Variants in FLNA observed in about 807,000 individuals in gnomAD.
FLNA encodes filamin-A.
In FLNA, 7 loss-of-function variants were observed where a neutral mutation model predicts 157.6. That is an observed-to-expected ratio of 0.04 (90% CI 0.03 to 0.08). The LOEUF (loss-of-function observed/expected upper bound fraction) is 0.08. Ranked by LOEUF, FLNA falls within the 10% of genes least tolerant of loss-of-function variation. FLNA has a pLI of 1.00. For missense variants in FLNA, 1,750 were observed against 2,398.4 expected, an observed-to-expected ratio of 0.73 and a Z score of 5.65; for synonymous variants, 1,103 against 1,060.8, an observed-to-expected ratio of 1.04 and a Z score of -0.77.
chrX:154,366,741 G>A lies in FLNA; in HGVS notation c.978C>T (p.His326=). The part of the protein sequence containing the change: ...VLVYVEDPAG[H]QEEAKVTANN... ...CAGCAGCTGGCCCTACCTCCTCCTG[G>A]TGTCCGGCCGGGTCCTCCACGTACA... Residue 326 remains histidine (H), a synonymous_variant, in exon 6 of 48, where the codon CAC becomes CAT. Coordinates refer to ENST00000369850, the MANE Select transcript of FLNA (RefSeq NM_001110556.2). The A allele has an allele frequency of 8.3e-7, 1 of 1,209,195 alleles. No homozygotes were observed.
intron 18 of FLNA, 34 bp downstream of exon 18, chrX:154,362,208 G>GC: frequency 8.3e-7 from 1 of 1,207,118 alleles, no homozygotes; most frequent in Non-Finnish European, 1.1e-6. Flanking sequence ...TACCCTTGAT[G>GC]CCCCGCAACC....
rs1557175905 is a variant in FLNA at position 154,352,036 on chromosome X, T to A, written c.6770-15A>T. On this transcript the variant is annotated splice_polypyrimidine_tract_variant and intron_variant, in intron 41 of 47. Transcript: ENST00000369850. ...ACTGAATTCGGCTGTGGGAGAACAG[T>A]TTGTCCTCACTGAAGGCTGCTTCAC... 5.8e-6 allele frequency: 7 copies of A among 1,211,089 alleles called. No individual in the cohort carries two copies. In the South Asian group the frequency reaches 8.8e-5, roughly 15 times the overall value.
At chrX:154,349,140 C>G in intron 47 of FLNA, 104 bp from the exon 48 acceptor site, 2 of 909,219 alleles carry the variant, frequency 2.2e-6, no homozygotes, top group African/African-American at 1.9e-5. Context: ...TGACAGTTCT[C>G]TCTTCCTAAA....
At chrX:154,357,684 A>G in intron 28 of FLNA, 61 bp from the exon 29 acceptor site, 2 of 1,050,802 alleles carry the variant, frequency 1.9e-6, no homozygotes, top group East Asian at 6.2e-5. Flanking sequence ...GGCCTGCCTC[A>G]GGCGCTCCCA....
chrX:154,370,418 T>C (rs1288256780), intron 2 of FLNA, among the ~76,000 whole-genome samples: 3 of 111,855 alleles, frequency 2.7e-5, no homozygotes, highest in Non-Finnish European at 5.7e-5. Context: ...CCCCAGACAA[T>C]GGGACGCACG....
intron 30 of FLNA, 67 bp downstream of exon 30, chrX:154,357,184 C>T (rs1297846485): frequency 1.9e-6 from 2 of 1,076,129 alleles, no homozygotes; most frequent in Non-Finnish European, 1.3e-6. Flanking sequence ...GAATCGGCCC[C>T]AAGAGGAAAG....
At chrX:154,370,811 G>A (rs900084359) in intron 2 of FLNA, 62 bp downstream of exon 2, 2 of 1,157,520 alleles carry the variant, frequency 1.7e-6, no homozygotes, top group African/African-American at 3.6e-5. Flanking sequence ...TCCGCCCGGG[G>A]AGATGGAAGG....
chrX:154,374,444 G>GC (rs1557180955), intron 1 of FLNA, 62 bp downstream of exon 1: 1 of 112,438 alleles, frequency 8.9e-6, no homozygotes, highest in African/African-American at 3.2e-5. Context: ...CTCCAACCCC[G>GC]CCCCCGGCCG....
chrX:154,362,680 G>C lies in FLNA; in HGVS notation c.2385C>G (p.Asp795Glu). ...CCTTACCCTGGCCAGCCTCGGCGCA[G>C]TCCACAGTGAAGTAGGTGGGCTCGT... ...KAHEPTYFTV[D>E]CAEAGQGDVS... The change falls in exon 16 of 48, where the codon GAC becomes GAG. Residue 795 changes from aspartate to glutamate, a missense_variant. Physicochemically the swap from Asp to Glu is conservative, Grantham distance 45. This residue lies in a region of FLNA where 648 missense variants were observed against 805.8 expected (regional missense o/e 0.80). Transcript: ENST00000369850. The C allele has an allele frequency of 8.3e-7, 1 of 1,211,134 alleles. No homozygotes were observed. Among genetic ancestry groups the C allele is most frequent in the Non-Finnish European group, 1.1e-6 (1 of 895,420 alleles).
In FLNA at chrX:154,361,563, G is replaced by A. The variant is rs782513930; in HGVS notation, c.2952C>T (p.Asp984=). ...CTGTGAACTCCTGGTCTTTGCCAACGTCCACCTCTGTGGAAACGATGAAAG... is the reference window on the plus strand; with the variant it reads ...CTGTGAACTCCTGGTCTTTGCCAACATCCACCTCTGTGGAAACGATGAAAG... The part of the protein sequence containing the change: ...IKVSGLGEKV[D]VGKDQEFTVK... Residue 984 remains aspartate, a synonymous_variant, in exon 21 of 48, where the codon GAC becomes GAT. Transcript: ENST00000369850. 1.7e-5 allele frequency: 21 copies of A among 1,209,675 alleles called. No individual in the cohort carries two copies. The highest frequency in any genetic ancestry group is 2.3e-4 in the Middle Eastern group (1 of 4,375).
rs1308450726 is a variant in FLNA at position 154,350,273 on chromosome X, AG to A, written c.7157-67del. The A allele has an allele frequency of 5.8e-6, 6 of 1,033,562 alleles. No individual in the cohort carries two copies. In the African/African-American group the frequency reaches 9.3e-5, roughly 16 times the overall value. 85.2% of individuals were successfully genotyped at this position (1,033,562 alleles called of 1,213,427 possible). On this transcript the variant is annotated intron_variant, in intron 44 of 47. Transcript: ENST00000369850. Reference sequence around the variant, plus strand: ...CTCAAACCAGCAGATGGTGTCTGTGAGGAACAGCCTCAACCCTGGCCCTCCC... The same window carrying A: ...CTCAAACCAGCAGATGGTGTCTGTGAGAACAGCCTCAACCCTGGCCCTCCC...
Position 154,370,899 on chromosome X carries a change from C to A in FLNA, c.347G>T (p.Arg116Leu). The A allele has an allele frequency of 8.3e-7, 1 of 1,210,509 alleles. No homozygotes were observed. The highest frequency in any genetic ancestry group is 2.2e-5 in the Admixed American group (1 of 46,100). The change falls in exon 2 of 48, where the codon CGC becomes CTC. Residue 116 changes from arginine (R) to leucine (L), a missense_variant. By Grantham distance (102) the Arg-to-Leu change is moderately radical (BLOSUM62 -2). Around this residue, in one of 5 missense-constraint regions of FLNA, gnomAD observed 71 missense variants for 239.5 expected, o/e 0.30. Transcript: ENST00000369850. Reference protein sequence around the residue: ...NVSVALEFLDRESIKLVSIDS... With the variant: ...NVSVALEFLDLESIKLVSIDS... The stretch of plus-strand genomic sequence containing the variant: ...GATGGACACCAGTTTGATGCTCTCG[C>A]GGTCCAGGAACTCGAGCGCCACCGA...
chrX:154,361,029 A>AGAGT (rs2067702369), intron 21 of FLNA, among the ~76,000 whole-genome samples: 1 of 83,796 alleles, frequency 1.2e-5, no homozygotes, highest in Non-Finnish European at 2.2e-5. Context: ...CCTGGGCGAC[A>AGAGT]GAGTGAGACT....
rs782721742 is a variant in FLNA, at chrX:154,360,161, G to T, written c.3634C>A (p.His1212Asn). ...GLPAEVYIQD[H>N]GDGTHTITYI... is the part of the protein sequence containing the mutation. ...GTAATGGTGTGCGTGCCATCACCGT[G>T]GTCCTGGATGTACACCTCGGCCGGA... is the stretch of plus-strand genomic sequence containing the variant. Residue 1212 changes from histidine (H) to asparagine (N), a missense_variant, in exon 22 of 48, where the codon CAC (histidine) becomes AAC (asparagine). This residue lies in a region of FLNA where 970 missense variants were observed against 1,302.6 expected (regional missense o/e 0.74). Transcript: ENST00000369850. 8.3e-7 allele frequency: 1 copy of T among 1,209,519 alleles called. No homozygotes were observed. Among genetic ancestry groups the T allele is most frequent in the South Asian group, 1.8e-5 (1 of 57,030 alleles).
In FLNA at chrX:154,364,883, C is replaced by A; in HGVS notation, c.1766G>T (p.Gly589Val). 1 of 1,211,772 alleles carries A rather than the reference C, an allele frequency of 8.3e-7. No individual in the cohort carries two copies. Among genetic ancestry groups the A allele is most frequent in the Non-Finnish European group, 1.1e-6 (1 of 895,593 alleles). Residue 589 changes from glycine (G) to valine (V), a missense_variant, in exon 12 of 48, where the codon GGC (glycine) becomes GTC (valine). Around this residue, in one of 5 missense-constraint regions of FLNA, gnomAD observed 648 missense variants for 805.8 expected, o/e 0.80. Transcript: ENST00000369850. ...VRAWGPGLEG[G>V]VVGKSADFVV... ...AAAGTCTGCTGACTTGCCAACGACG[C>A]CGCCCTCCAGCCCAGGGCCCCAGGC...
chrX:154,366,498 G>T (rs782445540), intron 7 of FLNA, 28 bp from the exon 8 acceptor site: 1 of 1,208,686 alleles, frequency 8.3e-7, no homozygotes, highest in African/African-American at 1.7e-5. Context: ...GGCCGTGAGG[G>T]TAGGGCTGGG....
chrX:154,357,691 C>T, intron 28 of FLNA, 68 bp from the exon 29 acceptor site: 1 of 963,250 alleles, frequency 1.0e-6, no homozygotes. Context: ...CTCAGGCGCT[C>T]CCAGAGTGCC....
chrX:154,367,664 C>T lies in FLNA; in HGVS notation c.697G>A (p.Asp233Asn). ...ACCTGGGGGATGCCCAGCCAGTCAT[C>T]CGCCTGCTGCATGGCCTCTCGCGCA... is the stretch of plus-strand genomic sequence containing the variant. ...TNAREAMQQA[D>N]DWLGIPQVIT... Residue 233 changes from aspartate (D) to asparagine (N), a missense_variant, in exon 4 of 48, where the codon GAT becomes AAT. Around this residue, in one of 5 missense-constraint regions of FLNA, gnomAD observed 71 missense variants for 239.5 expected, o/e 0.30. Transcript: ENST00000369850. The T allele has an allele frequency of 8.3e-7, 1 of 1,211,536 alleles. No individual in the cohort carries two copies.
Position 154,365,157 on chromosome X carries a change from C to T in FLNA, c.1670G>A (p.Gly557Asp), listed in dbSNP as rs1557178897. 1 of 1,210,105 alleles carries T rather than the reference C, an allele frequency of 8.3e-7. No homozygotes were observed. The highest frequency in any genetic ancestry group is 1.7e-5 in the African/African-American group (1 of 57,362). Residue 557 changes from glycine to aspartate, a missense_variant, in exon 11 of 48, where the codon GGT (glycine) becomes GAT (aspartate). Gly to Asp is a moderately conservative substitution (Grantham distance 94, BLOSUM62 -1). Coordinates refer to ENST00000369850, the MANE Select transcript of FLNA (RefSeq NM_001110556.2). ...TCACCTGCGCCCGATGTTCTGACCA[C>T]CCCACGTGATGGTGACGATATAGGT... Reference protein sequence around the residue: ...PGTYIVTITWGGQNIGRSPFE... With the variant: ...PGTYIVTITWDGQNIGRSPFE...
Sources: gnomAD v4.1 joint callset for allele counts (sites outside exome capture counted in the v4.1 genomes callset) on GRCh38, gnomAD v4.1.1 for gene constraint, gnomAD v4.1.1 regional missense constraint, MANE v1.5 for transcripts, NCBI Gene and HGNC (gene_info 2026-07-23, HGNC 2026-07-21) for gene names.